SEM1: variants seen among roughly 807,000 people sequenced by gnomAD.
SEM1 encodes the protein SEM1 26S proteasome subunit.
Under a neutral mutation model 12.7 loss-of-function variants are expected in SEM1, and 3 were observed. The observed-to-expected ratio is 0.24, with a 90% CI of 0.11 to 0.61. The LOEUF (loss-of-function observed/expected upper bound fraction) is 0.61. SEM1 is among the 20% of genes least tolerant of loss of function. The pLI is 0.88. For synonymous variants in SEM1, 30 were observed against 27.8 expected, an observed-to-expected ratio of 1.08 and a Z score of -0.25; for missense variants, 59 against 81.3, an observed-to-expected ratio of 0.73 and a Z score of 1.06.
At position 96,688,814 on chromosome 7, in the gene SEM1, C is replaced by G; in HGVS notation, c.*110G>C. 3 of 692,454 alleles carry G rather than the reference C, an allele frequency of 4.3e-6. No individual in the cohort carries two copies. The highest frequency in any genetic ancestry group is 7.7e-6 in the Non-Finnish European group (3 of 391,808). 42.9% of individuals were successfully genotyped at this position (692,454 alleles called of 1,614,324 possible). A position where few individuals can be genotyped will look rare whatever the true frequency, so the allele number is the denominator to read the frequency against. ...TGTGTTACAAAAACACAAATAAATC[C>G]AAGCAGATAATGAAATAAACACATT... On this transcript the variant is annotated 3_prime_UTR_variant, in exon 3 of 3. Coordinates refer to ENST00000248566, the MANE Select transcript of SEM1 (RefSeq NM_006304.2).
At chr7:96,705,430 C>A (rs1012097484) in intron 1 of SEM1, among the ~76,000 whole-genome samples, 2 of 151,272 alleles carry the variant, frequency 1.3e-5, no homozygotes, top group African/African-American at 2.4e-5. Context: ...AGCACTTGTT[C>A]TCTTCCCTCT....
At chr7:96,563,479 A>T (rs1805754702) in intron 2 of SEM1, among the ~76,000 whole-genome samples, 1 of 152,214 alleles carries the variant, frequency 6.6e-6, no homozygotes, top group Admixed American at 6.5e-5. Context: ...AGACCAGTCA[A>T]TATGACTATA....
At chr7:96,496,394 A>G (rs150891769), upstream of SEM1, 458 of 841,096 alleles carry the variant, frequency 5.4e-4, 1 homozygote, top group African/African-American at 7.2e-3. Flanking sequence ...TGTAAAGCCA[A>G]ACTTCACAAA....
downstream of SEM1, among the ~76,000 whole-genome samples, chr7:96,686,112 A>G (rs1187467309): frequency 6.6e-6 from 1 of 152,120 alleles, no homozygotes; most frequent in Non-Finnish European, 1.5e-5. Context: ...CTATTTGACA[A>G]AATTGTTTAC....
intron 2 of SEM1, among the ~76,000 whole-genome samples, chr7:96,527,001 C>T (rs1804485537): frequency 6.6e-6 from 1 of 152,054 alleles, no homozygotes; most frequent in South Asian, 2.1e-4. Flanking sequence ...TAAACCATCC[C>T]TCAACCAGTG....
At chr7:96,484,099 C>A in intron 3 of SEM1, 2 of 1,039,440 alleles carry the variant, frequency 1.9e-6, no homozygotes, top group Non-Finnish European at 1.3e-6. Context: ...CCAATCATCC[C>A]CATTTTAGAG....
intron 2 of SEM1, among the ~76,000 whole-genome samples, chr7:96,648,746 G>A (rs1317881915): frequency 1.3e-5 from 2 of 152,204 alleles, no homozygotes; most frequent in Non-Finnish European, 2.9e-5. Flanking sequence ...GAAAGAAGAA[G>A]GACTGAGCAG....
chr7:96,496,651 G>T (rs539481281), upstream of SEM1, among the ~76,000 whole-genome samples: 1 of 152,118 alleles, frequency 6.6e-6, no homozygotes, highest in Non-Finnish European at 1.5e-5. Context: ...AAGGGGAAAC[G>T]TAAGATTTAA....
intron 2 of SEM1, among the ~76,000 whole-genome samples, chr7:96,630,866 G>A (rs1009825708): frequency 6.6e-6 from 1 of 151,692 alleles, no homozygotes; most frequent in African/African-American, 2.4e-5. Context: ...CCTGCCAGGA[G>A]TAGGTCCTTC....
At chr7:96,662,770 C>A (rs1789047470) in intron 2 of SEM1, among the ~76,000 whole-genome samples, 1 of 152,130 alleles carries the variant, frequency 6.6e-6, no homozygotes, top group South Asian at 2.1e-4. Context: ...AAAGACTGAA[C>A]CCTACTTCAT....
intron 1 of SEM1, 127 bp downstream of exon 1, chr7:96,709,561 G>T: frequency 1.2e-6 from 1 of 830,450 alleles, no homozygotes; most frequent in South Asian, 1.6e-5. Context: ...TTAGCGCCTC[G>T]AGTGCCGGCC....
At chr7:96,539,611 GA>G (rs1360573746) in intron 2 of SEM1, among the ~76,000 whole-genome samples, 2 of 151,502 alleles carry the variant, frequency 1.3e-5, no homozygotes, top group African/African-American at 2.4e-5. Context: ...TTATCGCATT[GA>G]AAAAAAGCCT....
intron 1 of SEM1, among the ~76,000 whole-genome samples, chr7:96,697,741 A>G (rs1460282879): frequency 6.6e-6 from 1 of 152,184 alleles, no homozygotes; most frequent in Non-Finnish European, 1.5e-5. Flanking sequence ...GTGTGTGTAA[A>G]AGAGAAGAGC....
At chr7:96,619,242 TG>T (rs1159767917), downstream of SEM1, among the ~76,000 whole-genome samples, 4 of 152,270 alleles carry the variant, frequency 2.6e-5, no homozygotes, top group Admixed American at 2.6e-4. Context: ...TTTTTGAAAT[TG>T]TTTTTGTAGG....
intron 1 of SEM1, chr7:96,696,357 A>G (rs1191237130): frequency 1.3e-5 from 2 of 152,056 alleles, no homozygotes; most frequent in African/African-American, 2.4e-5. Context: ...ACAGTACTTC[A>G]TAGTTATGAC....
At chr7:96,628,940 T>C (rs1289090564) in intron 2 of SEM1, among the ~76,000 whole-genome samples, 1 of 152,204 alleles carries the variant, frequency 6.6e-6, no homozygotes, top group African/African-American at 2.4e-5. Context: ...TTTCTTTTTC[T>C]TTTAGCACTT....
intron 2 of SEM1, among the ~76,000 whole-genome samples, chr7:96,555,568 T>C (rs1446474429): frequency 1.5e-5 from 2 of 136,734 alleles, no homozygotes; most frequent in South Asian, 2.6e-4. Flanking sequence ...TTTGTTATAA[T>C]TTCTGTTCTT....
chr7:96,612,084 T>C (rs965615248), intron 2 of SEM1, among the ~76,000 whole-genome samples: 2 of 152,214 alleles, frequency 1.3e-5, no homozygotes, highest in Non-Finnish European at 2.9e-5. Flanking sequence ...TAAGTACTAA[T>C]AAGCATTATT....
At chr7:96,678,314 A>G (rs1309629210) in intron 2 of SEM1, among the ~76,000 whole-genome samples, 1 of 152,160 alleles carries the variant, frequency 6.6e-6, no homozygotes, top group Non-Finnish European at 1.5e-5. Flanking sequence ...CTTTTTAAGC[A>G]TCCATCCAAT....
Sources: allele counts gnomAD v4.1 joint callset (sites outside exome capture counted in the v4.1 genomes callset), GRCh38; gene constraint gnomAD v4.1.1; transcripts MANE v1.5; gene names NCBI Gene and HGNC (gene_info 2026-07-23, HGNC 2026-07-21).